Variants in RGS6 observed in about 807,000 individuals in gnomAD.
The protein encoded by RGS6 is regulator of G-protein signaling 6.
In RGS6, 30 loss-of-function variants were observed where a neutral mutation model predicts 78.5. The observed-to-expected ratio is 0.38, with a 90% CI of 0.29 to 0.52. The LOEUF is 0.52. RGS6 is among the 20% of genes least tolerant of loss of function. The pLI, the probability that RGS6 is intolerant of heterozygous loss-of-function variation, is 0.85. For missense variants in RGS6, 495 were observed against 609.7 expected (o/e 0.81, Z 1.98); for synonymous variants, 206 against 206.0 (o/e 1.00, Z 0.00).
rs377498543 is a variant in RGS6, at chr14:71,964,805, C to A, written c.14C>A (p.Ser5Tyr). The change falls in exon 2 of 18, where the codon TCC becomes TAC. Residue 5 changes from serine to tyrosine, a missense_variant. Coordinates refer to ENST00000553525, the MANE Select transcript of RGS6 (RefSeq NM_001204424.2). ...AAGACACTCAGGATGGCTCAAGGAT[C>A]CGGGGATCAAAGAGCAGTGGGGGTT... MAQG[S>Y]GDQRAVGVAD... The A allele has an allele frequency of 6.2e-7, 1 of 1,613,458 alleles. No homozygotes were observed. The highest frequency in any genetic ancestry group is 8.5e-7 in the Non-Finnish European group (1 of 1,179,812).
intron 3 of RGS6, among the ~76,000 whole-genome samples, chr14:72,412,201 C>CT (rs2093469888): frequency 1.3e-5 from 2 of 152,072 alleles, no homozygotes; most frequent in African/African-American, 4.8e-5. Flanking sequence ...TGGTCCTGGA[C>CT]TTTTTTTGGT....
chr14:72,279,793 T>G (rs2061286991), intron 2 of RGS6, among the ~76,000 whole-genome samples: 1 of 152,170 alleles, frequency 6.6e-6, no homozygotes, highest in Admixed American at 6.5e-5. Flanking sequence ...GCAATTGAGA[T>G]AGATGCCTTT....
intron 10 of RGS6, among the ~76,000 whole-genome samples, 187 bp downstream of exon 10, chr14:72,474,886 G>A (rs1020518673): frequency 6.6e-6 from 1 of 152,236 alleles, no homozygotes; most frequent in South Asian, 2.1e-4. Flanking sequence ...GGATACAGTG[G>A]CAGGTCCTCA....
At chr14:71,922,289 G>A in the RGS6 span, among the ~76,000 whole-genome samples, 1 of 152,172 alleles carries the variant, frequency 6.6e-6, no homozygotes, top group Non-Finnish European at 1.5e-5. Flanking sequence ...GAACTCGACA[G>A]GTTCTCATTA....
chr14:71,923,778 C>T, the RGS6 span, among the ~76,000 whole-genome samples: 1 of 151,720 alleles, frequency 6.6e-6, no homozygotes, highest in Non-Finnish European at 1.5e-5. Context: ...TCACCAGGAG[C>T]CAGGGAGGAG....
At chr14:72,294,502 A>G (rs1261181396) in intron 2 of RGS6, among the ~76,000 whole-genome samples, 1 of 152,218 alleles carries the variant, frequency 6.6e-6, no homozygotes, top group Non-Finnish European at 1.5e-5. Flanking sequence ...AGGCCACTGT[A>G]TGAGTCCATT....
intron 3 of RGS6, among the ~76,000 whole-genome samples, chr14:72,383,700 C>A (rs2152904821): frequency 6.6e-6 from 1 of 152,142 alleles, no homozygotes; most frequent in South Asian, 2.1e-4. Context: ...CACTTAATTC[C>A]TTCTGTTTTA....
intron 2 of RGS6, among the ~76,000 whole-genome samples, chr14:72,041,297 T>G (rs1395207256): frequency 6.6e-6 from 1 of 152,172 alleles, no homozygotes; most frequent in African/African-American, 2.4e-5. Flanking sequence ...TCTGGAGATG[T>G]GTCTTGTCTG....
chr14:72,091,137 T>TCC (rs369521564), intron 2 of RGS6, among the ~76,000 whole-genome samples: 2 of 2,300 alleles, frequency 8.7e-4, no homozygotes, highest in African/African-American at 1.1e-3. Context: ...ACACTGGCTG[T>TCC]CTCCACAGAT....
At chr14:71,942,355 CA>C (rs1396338854) in intron 1 of RGS6, among the ~76,000 whole-genome samples, 3 of 151,830 alleles carry the variant, frequency 2.0e-5, no homozygotes, top group Admixed American at 2.0e-4. Context: ...ACACATATTT[CA>C]AAAAATGGAA....
chr14:72,396,162 ATTCCTAT>A (rs1243131623), intron 3 of RGS6, among the ~76,000 whole-genome samples: 2 of 152,158 alleles, frequency 1.3e-5, no homozygotes, highest in African/African-American at 4.8e-5. Context: ...GTGTAAAAGC[ATTCCTAT>A]TTCTCCACAT....
chr14:72,260,487 CA>C (rs2057956997), intron 2 of RGS6, among the ~76,000 whole-genome samples: 2 of 152,124 alleles, frequency 1.3e-5, no homozygotes, highest in Non-Finnish European at 2.9e-5. Context: ...CAGCTCTAGC[CA>C]ACATTAGAGA....
intron 2 of RGS6, among the ~76,000 whole-genome samples, chr14:71,970,909 G>A (rs1386856317): frequency 6.6e-6 from 1 of 152,138 alleles, no homozygotes; most frequent in Non-Finnish European, 1.5e-5. Context: ...CACCTGCTTC[G>A]ATTCTTGAAA....
chr14:71,877,769 A>G, the RGS6 span, among the ~76,000 whole-genome samples: 1 of 152,202 alleles, frequency 6.6e-6, no homozygotes, highest in Non-Finnish European at 1.5e-5. Flanking sequence ...TCTGATTTTT[A>G]GAATTTTCAG....
chr14:72,118,643 C>T (rs2095969007), intron 2 of RGS6, among the ~76,000 whole-genome samples: 1 of 152,160 alleles, frequency 6.6e-6, no homozygotes, highest in South Asian at 2.1e-4. Flanking sequence ...GGGTCATAGC[C>T]CTGGACAGCA....
chr14:72,457,085 A>G (rs1048719709), intron 4 of RGS6, among the ~76,000 whole-genome samples: 1 of 42,592 alleles, frequency 2.3e-5, no homozygotes, highest in Admixed American at 2.5e-4. Context: ...ACCTGTCTCT[A>G]AAAAAAAAAA....
chr14:72,603,298 T>C, the RGS6 span, among the ~76,000 whole-genome samples: 1 of 152,240 alleles, frequency 6.6e-6, no homozygotes. Flanking sequence ...TGGGCTGTAG[T>C]AACCCAACAA....
chr14:72,535,292 A>C (rs2097234944), intron 15 of RGS6, among the ~76,000 whole-genome samples: 1 of 152,210 alleles, frequency 6.6e-6, no homozygotes, highest in Admixed American at 6.5e-5. Flanking sequence ...TGTTAGTTAC[A>C]TGTCCTGTGA....
intron 3 of RGS6, among the ~76,000 whole-genome samples, chr14:72,435,290 C>T (rs192261551): frequency 1.6e-4 from 25 of 152,236 alleles, no homozygotes; most frequent in African/African-American, 6.0e-4. Context: ...GTGTAGAGAC[C>T]CTCTAGTTCA....
Sources: gnomAD v4.1 joint callset for allele counts (sites outside exome capture counted in the v4.1 genomes callset) on GRCh38, gnomAD v4.1.1 for gene constraint, MANE v1.5 for transcripts, NCBI Gene and HGNC (gene_info 2026-07-23, HGNC 2026-07-21) for gene names.